The following ZBTB16 variants were observed in gnomAD, a reference collection of about 807,000 sequenced individuals.
The protein encoded by ZBTB16 is zinc finger and BTB domain-containing protein 16.
In ZBTB16, 8 loss-of-function variants were observed where a neutral mutation model predicts 56.8. The observed-to-expected ratio is 0.14, with a 90% CI of 0.08 to 0.25. The LOEUF (loss-of-function observed/expected upper bound fraction) is 0.25, where lower values mean the gene tolerates loss of function less well. Among genes scored for constraint, ZBTB16 ranks in the 10% least tolerant of loss-of-function variants. The pLI is 1.00. For synonymous variants in ZBTB16, 363 were observed against 368.5 expected, an observed-to-expected ratio of 0.98 and a Z score of 0.17; for missense variants, 625 against 903.0, an observed-to-expected ratio of 0.69 and a Z score of 3.95.
intron 2 of ZBTB16, among the ~76,000 whole-genome samples, chr11:114,129,854 T>C (rs901391632): frequency 6.6e-6 from 1 of 152,236 alleles, no homozygotes; most frequent in Non-Finnish European, 1.5e-5. Flanking sequence ...AATATGGGCT[T>C]CTCCCCCCTC....
Position 114,063,875 on chromosome 11 carries a change from G to C in ZBTB16, c.575G>C (p.Gly192Ala). 1.2e-6 allele frequency: 2 copies of C among 1,614,106 alleles called. No homozygotes were observed. The highest frequency in any genetic ancestry group is 1.7e-6 in the Non-Finnish European group (2 of 1,180,038). The change falls in exon 2 of 7, where the codon GGT becomes GCT. Residue 192 changes from glycine to alanine, a missense_variant. Gly to Ala is a moderately conservative substitution (Grantham distance 60, BLOSUM62 0). Transcript: ENST00000335953. The surrounding 1 kb of genome is among the most constrained non-coding windows in gnomAD (Gnocchi z 6.5). ...AGCCCTTCAGTCTCCACTTCATTTG[G>C]TCTTTCAGCCATGAGTCCCACCAAG... ...DQSPSVSTSFGLSAMSPTKAA... is the reference protein window; with the variant it reads ...DQSPSVSTSFALSAMSPTKAA...
chr11:114,235,666 CTTTCTTTCTTTCTTTCTTTCTTTCT>C (rs1239425024), intron 4 of ZBTB16, among the ~76,000 whole-genome samples: 163 of 24,600 alleles, frequency 6.6e-3, no homozygotes, highest in African/African-American at 0.015. Flanking sequence ...TTCTTTCTTT[CTTTCTTTCTTTCTTTCTTTCTTTCT>C]TTTCTTTCTT....
At chr11:114,097,358 T>A (rs1203273719) in intron 2 of ZBTB16, among the ~76,000 whole-genome samples, 1 of 152,042 alleles carries the variant, frequency 6.6e-6, no homozygotes, top group South Asian at 2.1e-4. Context: ...TTGGGGGAGA[T>A]GAAAAAGTTC....
chr11:114,132,301 G>A (rs1941685347), intron 2 of ZBTB16, among the ~76,000 whole-genome samples: 2 of 152,070 alleles, frequency 1.3e-5, no homozygotes, highest in Non-Finnish European at 2.9e-5. Flanking sequence ...TCTGGCAGGG[G>A]CTCATTATTT....
At chr11:114,148,958 C>T (rs1035923286) in intron 2 of ZBTB16, among the ~76,000 whole-genome samples, 13 of 151,150 alleles carry the variant, frequency 8.6e-5, no homozygotes, top group African/African-American at 3.2e-4. Flanking sequence ...TTTTTCTCTT[C>T]CGATTCTCTT....
chr11:114,144,845 T>G (rs1257675582), intron 2 of ZBTB16, among the ~76,000 whole-genome samples: 3 of 152,248 alleles, frequency 2.0e-5, no homozygotes, highest in African/African-American at 7.2e-5. Context: ...CTCTTATATT[T>G]TCAACTAAAT....
chr11:114,220,387 A>G (rs771284875), intron 4 of ZBTB16, among the ~76,000 whole-genome samples: 2 of 152,176 alleles, frequency 1.3e-5, no homozygotes, highest in Non-Finnish European at 2.9e-5. Context: ...TGAGCAATGC[A>G]TGCATGTGAG....
chr11:114,220,980 A>G (rs1944217582), intron 4 of ZBTB16, among the ~76,000 whole-genome samples: 1 of 152,206 alleles, frequency 6.6e-6, no homozygotes, highest in Admixed American at 6.5e-5. Flanking sequence ...GAAGACATGC[A>G]GGCATGTGCA....
chr11:114,218,605 G>A (rs936400230), intron 4 of ZBTB16, among the ~76,000 whole-genome samples: 1 of 152,146 alleles, frequency 6.6e-6, no homozygotes, highest in Non-Finnish European at 1.5e-5. Context: ...TGCCTTCAAG[G>A]TCAAGATCAG....
At chr11:114,124,434 C>G (rs1941433189) in intron 2 of ZBTB16, among the ~76,000 whole-genome samples, 1 of 151,780 alleles carries the variant, frequency 6.6e-6, no homozygotes, top group African/African-American at 2.4e-5. Context: ...TCGCCAACCC[C>G]CTACCAAACA....
intron 4 of ZBTB16, among the ~76,000 whole-genome samples, chr11:114,196,239 G>A (rs765058289): frequency 1.3e-4 from 20 of 152,210 alleles, no homozygotes; most frequent in Non-Finnish European, 2.6e-4. Context: ...CTTAAGAGGA[G>A]GCTTCAGTGA....
At chr11:114,138,727 G>C (rs1011759200) in intron 2 of ZBTB16, among the ~76,000 whole-genome samples, 1 of 151,468 alleles carries the variant, frequency 6.6e-6, no homozygotes, top group African/African-American at 2.4e-5. Context: ...GTCTTGCTCG[G>C]TTGCCCAGGC....
At chr11:114,191,120 G>A (rs1270827044) in intron 4 of ZBTB16, among the ~76,000 whole-genome samples, 1 of 152,138 alleles carries the variant, frequency 6.6e-6, no homozygotes, top group Non-Finnish European at 1.5e-5. Flanking sequence ...AGAGGTTGGT[G>A]CTAAACCATT....
chr11:114,235,637 T>C (rs149572410), intron 4 of ZBTB16, among the ~76,000 whole-genome samples: 4,448 of 28,724 alleles, frequency 0.15, 76 homozygotes, highest in South Asian at 0.2. Context: ...TTCCTTTCTT[T>C]CTTTCTTTCT....
chr11:114,169,054 C>A (rs1256606530), intron 3 of ZBTB16, among the ~76,000 whole-genome samples: 1 of 152,024 alleles, frequency 6.6e-6, no homozygotes, highest in Admixed American at 6.5e-5. Context: ...CTGTGTCATG[C>A]CCCCCACTCC....
intron 2 of ZBTB16, among the ~76,000 whole-genome samples, chr11:114,109,545 C>T (rs530695834): frequency 4.6e-5 from 7 of 152,242 alleles, no homozygotes; most frequent in South Asian, 2.1e-4. Flanking sequence ...TCCATTGCCC[C>T]GATCAGGAAT....
At chr11:114,083,411 A>G (rs1363839722) in intron 2 of ZBTB16, among the ~76,000 whole-genome samples, 2 of 151,978 alleles carry the variant, frequency 1.3e-5, no homozygotes, top group Non-Finnish European at 2.9e-5. Context: ...GGTTTTGGAG[A>G]CTCTGGCTTG....
intron 3 of ZBTB16, among the ~76,000 whole-genome samples, chr11:114,177,485 G>C (rs1249013040): frequency 2.0e-5 from 3 of 152,160 alleles, no homozygotes; most frequent in African/African-American, 4.8e-5. Flanking sequence ...CCAGACCTCA[G>C]GTGATCCGCC....
At chr11:114,218,471 G>A (rs1353014677) in intron 4 of ZBTB16, among the ~76,000 whole-genome samples, 1 of 152,018 alleles carries the variant, frequency 6.6e-6, no homozygotes, top group Non-Finnish European at 1.5e-5. Context: ...ATGGGTGGCC[G>A]CTCTCCCTCT....
Sources: allele counts gnomAD v4.1 joint callset (sites outside exome capture counted in the v4.1 genomes callset), GRCh38; gene constraint gnomAD v4.1.1; non-coding constraint Gnocchi (gnomAD v3.1); transcripts MANE v1.5; gene names NCBI Gene and HGNC (gene_info 2026-07-23, HGNC 2026-07-21).